Variants in CIC observed in about 807,000 individuals in gnomAD.
The protein encoded by CIC is protein capicua homolog.
Under a neutral mutation model 115.7 loss-of-function variants are expected in CIC, and 18 were observed. The observed-to-expected ratio is 0.16, with a 90% CI of 0.11 to 0.23. The LOEUF (loss-of-function observed/expected upper bound fraction) is 0.23, where lower values mean the gene tolerates loss of function less well. Ranked by LOEUF, CIC falls within the 10% of genes least tolerant of loss-of-function variation. The pLI, the probability that CIC is intolerant of heterozygous loss-of-function variation, is 1.00. For synonymous variants in CIC, 1,076 were observed against 923.0 expected, an observed-to-expected ratio of 1.17 and a Z score of -3.01; for missense variants, 2,000 against 2,159.3, an observed-to-expected ratio of 0.93 and a Z score of 1.46.
Position 42,295,141 on chromosome 19 carries a change from C to CCGGGGGCG in CIC, c.7504_7505insCGGGGGCG (p.Gln2502ProfsTer30). ...ACAGCCTGGCTGGGAGGGGGCTCCC[C>CCGGGGGCG]AGCCCTCCCCCCCACCCCCAGGTCC... is the stretch of plus-strand genomic sequence containing the variant. On this transcript the variant is annotated frameshift_variant, in exon 21 of 21. Coordinates refer to ENST00000681038, the MANE Select transcript of CIC (RefSeq NM_001386298.1). LOFTEE classifies it high-confidence loss of function. 1 of 1,430,162 alleles carries CCGGGGGCG rather than the reference C, an allele frequency of 7.0e-7. No individual in the cohort carries two copies. Among genetic ancestry groups the CCGGGGGCG allele is most frequent in the Non-Finnish European group, 9.3e-7 (1 of 1,073,650 alleles). The allele number at this position is 1,430,162 out of a possible 1,614,324, so 88.6% of individuals were successfully genotyped here. A position where few individuals can be genotyped will look rare whatever the true frequency, so the allele number is the denominator to read the frequency against.
At chr19:42,284,218 A>T (rs946890060) in intron 2 of CIC, 2 of 144,342 alleles carry the variant, frequency 1.4e-5, no homozygotes, top group Non-Finnish European at 1.5e-5. Flanking sequence ...GGCAGCCGGG[A>T]CGCGCGGGGC....
Position 42,291,724 on chromosome 19 carries a change from T to C in CIC, c.5592T>C (p.Asn1864=), listed in dbSNP as rs1265607361. Residue 1864 remains asparagine (N), a synonymous_variant, in exon 12 of 21, where the codon AAT becomes AAC. Transcript: ENST00000681038. ...CGCCCTTCTCAGTACCTGTGCAGAATGGTGCCCAGCCCCCCAGCAAGGTGA... is the reference window on the plus strand; with the variant it reads ...CGCCCTTCTCAGTACCTGTGCAGAACGGTGCCCAGCCCCCCAGCAAGGTGA... ...VSPPFSVPVQ[N]GAQPPSKIIQ... 2 of 1,613,010 alleles carry C rather than the reference T, an allele frequency of 1.2e-6. No individual in the cohort carries two copies. The highest frequency in any genetic ancestry group is 1.7e-6 in the Non-Finnish European group (2 of 1,179,990).
In CIC at chr19:42,291,308, G is replaced by A. The variant is rs912184244; in HGVS notation, c.5267G>A (p.Gly1756Glu). The A allele has an allele frequency of 1.5e-5, 24 of 1,612,796 alleles. No homozygotes were observed. Among genetic ancestry groups the A allele is most frequent in the Non-Finnish European group, 2.0e-5 (24 of 1,179,848 alleles). Residue 1756 changes from glycine (G) to glutamate (E), a missense_variant, in exon 11 of 21, where the codon GGG becomes GAG. Transcript: ENST00000681038. ...QVAPAPAPAP[G>E]TKAAAPSGPA... ...GCACCTGCCCCAGCACCAGCCCCTG[G>A]GACCAAGGCAGCGGCTCCCAGCGGC...
rs753487251 is a variant in CIC, at chr19:42,293,951, G to A, written c.6784G>A (p.Val2262Met). 8 of 1,613,282 alleles carry A rather than the reference G, an allele frequency of 5.0e-6. No homozygotes were observed. Among genetic ancestry groups the A allele is most frequent in the East Asian group, 2.2e-5 (1 of 44,894 alleles). ...GCCCTCCAGCAGGGTCCTGTCAGAA[G>A]TGGACTTCGAAGAGCGCTTTGCTGA... ...DSVDNRVLSE[V>M]DFEERFAELP... is the part of the protein sequence containing the mutation. Residue 2262 changes from valine to methionine, a missense_variant, in exon 18 of 21, where the codon GTG becomes ATG. By Grantham distance (21) the Val-to-Met change is conservative. Transcript: ENST00000681038.
Position 42,292,874 on chromosome 19 carries a change from A to G in CIC, c.6196+15A>G. 3 of 1,613,776 alleles carry G rather than the reference A, an allele frequency of 1.9e-6. No individual in the cohort carries two copies. Among genetic ancestry groups the G allele is most frequent in the Non-Finnish European group, 2.5e-6 (3 of 1,179,976 alleles). On this transcript the variant is annotated intron_variant, in intron 15 of 20. Transcript: ENST00000681038. Reference sequence around the variant, plus strand: ...CAGCGCCACAGGTAGGTGTCAGATCAACCCAGAGCAGAGTGAGTTGGGGGA... The same window carrying G: ...CAGCGCCACAGGTAGGTGTCAGATCGACCCAGAGCAGAGTGAGTTGGGGGA...
In CIC at chr19:42,293,249, G is replaced by A; in HGVS notation, c.6490G>A (p.Glu2164Lys). 6.3e-7 allele frequency: 1 copy of A among 1,589,422 alleles called. No homozygotes were observed. The highest frequency in any genetic ancestry group is 1.3e-5 in the African/African-American group (1 of 74,462). Reference sequence around the variant, plus strand: ...CCCCCCACTGCCCCCACCTGCTGAGGAGCGGACCAGCGCCAAGGGCCCTGA... The same window carrying A: ...CCCCCCACTGCCCCCACCTGCTGAGAAGCGGACCAGCGCCAAGGGCCCTGA... ...SSPPLPPPAE[E>K]RTSAKGPETM... is the part of the protein sequence containing the mutation. The change falls in exon 16 of 21, where the codon GAG becomes AAG. Residue 2164 changes from glutamate (E) to lysine (K), a missense_variant. Coordinates refer to ENST00000681038, the MANE Select transcript of CIC (RefSeq NM_001386298.1).
intron 2 of CIC, among the ~76,000 whole-genome samples, chr19:42,285,971 C>T (rs1049068892): frequency 1.3e-5 from 2 of 152,216 alleles, no homozygotes; most frequent in Admixed American, 6.5e-5. Flanking sequence ...TCTTCTGGCC[C>T]ATTGTCCGTG....
Position 42,292,661 on chromosome 19 carries a change from G to C in CIC, c.5998G>C (p.Val2000Leu), listed in dbSNP as rs2038223358. ...TGCCTGTGCAGCCCCCGGAGGTCCTGTCATAACAGCATTTTACTCTGGCAG... is the reference window on the plus strand; with the variant it reads ...TGCCTGTGCAGCCCCCGGAGGTCCTCTCATAACAGCATTTTACTCTGGCAG... Reference protein sequence around the residue: ...PPACAAPGGPVITAFYSGSPA... With the variant: ...PPACAAPGGPLITAFYSGSPA... The change falls in exon 15 of 21, where the codon GTC (valine) becomes CTC (leucine). Residue 2000 changes from valine (V) to leucine (L), a missense_variant. By Grantham distance (32) the Val-to-Leu change is conservative (BLOSUM62 1). Transcript: ENST00000681038. 6.2e-7 allele frequency: 1 copy of C among 1,613,724 alleles called. No individual in the cohort carries two copies. The highest frequency in any genetic ancestry group is 1.3e-5 in the African/African-American group (1 of 74,920).
At chr19:42,284,688 C>G in intron 2 of CIC, 6 of 1,536,594 alleles carry the variant, frequency 3.9e-6, no homozygotes, top group Non-Finnish European at 5.2e-6. Flanking sequence ...CCTGCCGGGT[C>G]CCCCCTGCGC....
rs775282720 is a variant in CIC at position 42,289,424 on chromosome 19, C to G, written c.4087+18C>G. ...TGTCATTGGTGAGCATTGCAGGGCC[C>G]AGAATCTTGCCCAGGACCCAGCAGG... On this transcript the variant is annotated intron_variant, in intron 9 of 20. Transcript: ENST00000681038. 6.4e-7 allele frequency: 1 copy of G among 1,558,274 alleles called. No homozygotes were observed. Among genetic ancestry groups the G allele is most frequent in the South Asian group, 1.2e-5 (1 of 85,560 alleles).
intron 2 of CIC, among the ~76,000 whole-genome samples, chr19:42,278,987 C>T (rs935425933): frequency 1.3e-5 from 2 of 152,228 alleles, no homozygotes; most frequent in African/African-American, 4.8e-5. Flanking sequence ...AGTGCCCACC[C>T]ACCTGCCAGA....
rs781293488 is a variant in CIC at position 42,290,463 on chromosome 19, C to A, written c.4422C>A (p.Gly1474=). 15 of 1,613,936 alleles carry A rather than the reference C, an allele frequency of 9.3e-6. No homozygotes were observed. The Admixed American group carries it at 1.7e-4, about 18-fold the overall frequency. ...GTFKAQESGQ[G]STAGPLRPPP... is the part of the protein sequence containing the mutation. ...TCAAGGCCCAGGAGTCTGGTCAGGG[C>A]AGCACAGCGGGCCCCCTACGGCCCC... is the stretch of plus-strand genomic sequence containing the variant. Residue 1474 remains glycine (G), a synonymous_variant, in exon 11 of 21, where the codon GGC becomes GGA. Coordinates refer to ENST00000681038, the MANE Select transcript of CIC (RefSeq NM_001386298.1).
intron 2 of CIC, among the ~76,000 whole-genome samples, chr19:42,276,121 G>A (rs546450557): frequency 5.9e-5 from 9 of 152,336 alleles, no homozygotes; most frequent in Admixed American, 2.0e-4. Flanking sequence ...ATGTGAGCCC[G>A]GCAGGGTAGG....
chr19:42,292,911 G>GGC (rs1461073856), intron 15 of CIC, 45 bp from the exon 16 acceptor site: 1 of 1,613,916 alleles, frequency 6.2e-7, no homozygotes, highest in East Asian at 2.2e-5. Flanking sequence ...CCAGGGGATG[G>GGC]GCTCCAGTCA....
At position 42,272,101 on chromosome 19, in the gene CIC, C is replaced by T; in HGVS notation, c.318C>T (p.Leu106=). 1 of 398,994 alleles carries T rather than the reference C, an allele frequency of 2.5e-6. No homozygotes were observed. The highest frequency in any genetic ancestry group is 4.4e-6 in the Non-Finnish European group (1 of 226,360). The allele number at this position is 398,994 out of a possible 1,614,324, so 24.7% of individuals were successfully genotyped here. ...DGEAGRWEPS[L]SRKTATFKSR... is the part of the protein sequence containing the mutation. ...AGGCAGGCCGCTGGGAGCCCTCACTCAGCCGCAAGACAGCCACGTTCAAGT... is the reference window on the plus strand; with the variant it reads ...AGGCAGGCCGCTGGGAGCCCTCACTTAGCCGCAAGACAGCCACGTTCAAGT... Residue 106 remains leucine, a synonymous_variant, in exon 2 of 21, where the codon CTC becomes CTT. Transcript: ENST00000681038.
At chr19:42,278,113 TG>T (rs1333806736) in intron 2 of CIC, among the ~76,000 whole-genome samples, 1 of 152,228 alleles carries the variant, frequency 6.6e-6, no homozygotes, top group Non-Finnish European at 1.5e-5. Flanking sequence ...TTGCTTCCGC[TG>T]GGGGACTTGC....
At chr19:42,286,229 C>T (rs1387309456) in intron 2 of CIC, among the ~76,000 whole-genome samples, 1 of 152,128 alleles carries the variant, frequency 6.6e-6, no homozygotes, top group African/African-American at 2.4e-5. Flanking sequence ...CTCTCCCACA[C>T]CACAGTTGTA....
Position 42,270,713 on chromosome 19 carries a change from G to T in CIC, c.-10-1061G>T, listed in dbSNP as rs1167060249. On this transcript the variant is annotated intron_variant, in intron 1 of 20. Coordinates refer to ENST00000681038, the MANE Select transcript of CIC (RefSeq NM_001386298.1). The surrounding 1 kb of genome is among the most constrained non-coding windows in gnomAD (Gnocchi z 4.1). Reference sequence around the variant, plus strand: ...CGGGGATGCATGCAGGCAAGAAGAGGGGGGCTGGGCTTGCGGGTATCACGC... The same window carrying T: ...CGGGGATGCATGCAGGCAAGAAGAGTGGGGCTGGGCTTGCGGGTATCACGC... Among the ~76,000 whole-genome samples, 2 of 152,120 alleles carry T rather than the reference G, an allele frequency of 1.3e-5. No homozygotes were observed. Among genetic ancestry groups the T allele is most frequent in the East Asian group, 1.9e-4 (1 of 5,170 alleles).
chr19:42,282,719 A>G (rs75576734), intron 2 of CIC, among the ~76,000 whole-genome samples: 330 of 152,246 alleles, frequency 2.2e-3, no homozygotes, highest in Middle Eastern at 0.02. Context: ...AGTTTATTCA[A>G]TCTCTGAGGC....
Sources: gnomAD v4.1 joint callset for allele counts (sites outside exome capture counted in the v4.1 genomes callset) on GRCh38, gnomAD v4.1.1 for gene constraint, Gnocchi (gnomAD v3.1) non-coding constraint, MANE v1.5 for transcripts, NCBI Gene and HGNC (gene_info 2026-07-23, HGNC 2026-07-21) for gene names.